The following PACSIN2 variants were observed in gnomAD, a reference collection of about 807,000 sequenced individuals.
PACSIN2 encodes the protein protein kinase C and casein kinase substrate in neurons 2, also known as protein kinase C and casein kinase substrate in neurons protein 2.
Under a neutral mutation model 63.8 loss-of-function variants are expected in PACSIN2, and 25 were observed. The observed-to-expected ratio is 0.39, with a 90% CI of 0.29 to 0.55. The LOEUF is 0.55. PACSIN2 is among the 20% of genes least tolerant of loss of function. The probability of loss-of-function intolerance (pLI) is 0.62; values close to 1 mark genes in which losing one functional copy is unlikely to be tolerated. For synonymous variants in PACSIN2, 255 were observed against 256.2 expected, an observed-to-expected ratio of 1.00 and a Z score of 0.05; for missense variants, 518 against 646.9, an observed-to-expected ratio of 0.80 and a Z score of 2.16.
chr22:42,994,407 G>A (rs921022888), intron 1 of PACSIN2, among the ~76,000 whole-genome samples: 16 of 152,336 alleles, frequency 1.1e-4, no homozygotes, highest in African/African-American at 2.4e-4. Flanking sequence ...ATCCAGAGCC[G>A]TGTCCTGCGC....
intron 2 of PACSIN2, among the ~76,000 whole-genome samples, chr22:42,907,303 T>C (rs1046621870): frequency 1.3e-5 from 2 of 152,230 alleles, no homozygotes; most frequent in Admixed American, 1.3e-4. Context: ...CAGGGAGCCA[T>C]CCAATCTGCT....
At chr22:42,985,313 C>T (rs934616383) in intron 1 of PACSIN2, among the ~76,000 whole-genome samples, 7 of 152,370 alleles carry the variant, frequency 4.6e-5, no homozygotes, top group East Asian at 1.9e-4. Context: ...CCAGCTTTGG[C>T]GACAGAGCGA....
chr22:42,983,964 C>CTTTTTT lies in PACSIN2; in HGVS notation c.-78+31051_-78+31056dup, dbSNP rs532427677. On this transcript the variant is annotated intron_variant, in intron 1 of 10. Transcript: ENST00000263246. ...CAGGCTATGGGCACAGCACTTAGCA[C>CTTTTTT]TTTTTTTTTTTTTTTTTTTTTTTTG... Among the ~76,000 whole-genome samples the CTTTTTT allele has an allele frequency of 1.6e-4, 17 of 104,618 alleles. 1 individual carries two copies. The highest frequency in any genetic ancestry group is 6.4e-4 in the African/African-American group (16 of 25,130). 68.6% of individuals were successfully genotyped at this position (104,618 alleles called of 152,430 possible).
chr22:42,977,779 C>T (rs1921810767), intron 1 of PACSIN2, among the ~76,000 whole-genome samples: 1 of 152,160 alleles, frequency 6.6e-6, no homozygotes, highest in Non-Finnish European at 1.5e-5. Flanking sequence ...CCCCCTCACG[C>T]TCTCTGTCTC....
intron 1 of PACSIN2, among the ~76,000 whole-genome samples, chr22:42,982,729 A>G (rs1480780738): frequency 7.2e-6 from 1 of 139,316 alleles, no homozygotes; most frequent in African/African-American, 2.7e-5. Context: ...AGGGACACAA[A>G]CACTGCGGAA....
chr22:42,899,474 G>C (rs983526943), intron 2 of PACSIN2, among the ~76,000 whole-genome samples: 1 of 152,162 alleles, frequency 6.6e-6, no homozygotes, highest in African/African-American at 2.4e-5. Context: ...GGTGCCCAGA[G>C]GGATGTGCCT....
At chr22:42,986,696 G>A (rs1922638041) in intron 1 of PACSIN2, among the ~76,000 whole-genome samples, 1 of 152,134 alleles carries the variant, frequency 6.6e-6, no homozygotes, top group African/African-American at 2.4e-5. Context: ...ACCACTGAGA[G>A]GGGGCTTTTG....
At chr22:42,881,273 C>A (rs998581283) in intron 7 of PACSIN2, among the ~76,000 whole-genome samples, 1 of 152,188 alleles carries the variant, frequency 6.6e-6, no homozygotes, top group African/African-American at 2.4e-5. Context: ...CCTGCGTGGA[C>A]AAAGTCACCA....
intron 1 of PACSIN2, among the ~76,000 whole-genome samples, chr22:42,912,453 A>G (rs1931524471): frequency 1.3e-5 from 2 of 152,202 alleles, no homozygotes; most frequent in South Asian, 4.1e-4. Context: ...TGGTAGGGCT[A>G]GGACCCGGGA....
chr22:42,981,082 C>G (rs1225576391), intron 1 of PACSIN2, among the ~76,000 whole-genome samples: 1 of 148,670 alleles, frequency 6.7e-6, no homozygotes, highest in Non-Finnish European at 1.5e-5. Context: ...AAGTGAGGAA[C>G]GTCTCTGCCC....
intron 5 of PACSIN2, among the ~76,000 whole-genome samples, chr22:42,886,908 T>C (rs1368446834): frequency 6.6e-6 from 1 of 152,210 alleles, no homozygotes; most frequent in African/African-American, 2.4e-5. Context: ...CCTGAGTTGA[T>C]GTTCTGGGTG....
intron 1 of PACSIN2, among the ~76,000 whole-genome samples, chr22:42,991,532 A>C (rs1246187557): frequency 6.6e-6 from 1 of 152,226 alleles, no homozygotes; most frequent in Non-Finnish European, 1.5e-5. Context: ...TGGCCCAGAG[A>C]AGAAGGAGAG....
intron 1 of PACSIN2, among the ~76,000 whole-genome samples, chr22:43,007,671 C>G (rs1374050150): frequency 6.6e-6 from 1 of 152,214 alleles, no homozygotes; most frequent in African/African-American, 2.4e-5. Context: ...GACCCGCCCT[C>G]CTCTGTCGTG....
At chr22:43,009,062 G>A (rs2179259) in intron 1 of PACSIN2, among the ~76,000 whole-genome samples, 53,966 of 152,084 alleles carry the variant, frequency 0.35, 10,894 homozygotes, top group Non-Finnish European at 0.46. Context: ...CTTTCCGGCA[G>A]ATGAACAAAT....
intron 1 of PACSIN2, among the ~76,000 whole-genome samples, chr22:42,918,328 G>C (rs1228945274): frequency 6.6e-6 from 1 of 152,164 alleles, no homozygotes; most frequent in Non-Finnish European, 1.5e-5. Flanking sequence ...AGTCTGCCAT[G>C]TTTGCATCAA....
At chr22:42,892,480 G>A (rs185147696) in intron 3 of PACSIN2, among the ~76,000 whole-genome samples, 6 of 152,306 alleles carry the variant, frequency 3.9e-5, no homozygotes, top group Admixed American at 3.9e-4. Context: ...CCCACAAGGT[G>A]AGGGTGGTAA....
At chr22:43,007,975 G>A (rs562128680) in intron 1 of PACSIN2, among the ~76,000 whole-genome samples, 2 of 152,242 alleles carry the variant, frequency 1.3e-5, no homozygotes, top group East Asian at 3.9e-4. Context: ...GTACTTCCAC[G>A]GGCAGCTTAA....
intron 1 of PACSIN2, among the ~76,000 whole-genome samples, chr22:42,940,893 T>A (rs1933128334): frequency 1.3e-5 from 2 of 152,216 alleles, no homozygotes; most frequent in Non-Finnish European, 2.9e-5. Flanking sequence ...TTTCTAACAG[T>A]TTTATTAAGA....
At chr22:42,970,471 C>A (rs985604655) in intron 1 of PACSIN2, among the ~76,000 whole-genome samples, 12 of 152,014 alleles carry the variant, frequency 7.9e-5, no homozygotes, top group African/African-American at 2.9e-4. Context: ...TTCTTAATTT[C>A]AAAAAATAAG....
Sources: allele counts gnomAD v4.1 joint callset (sites outside exome capture counted in the v4.1 genomes callset), GRCh38; gene constraint gnomAD v4.1.1; transcripts MANE v1.5; gene names NCBI Gene and HGNC (gene_info 2026-07-23, HGNC 2026-07-21).